Variants in TFR2 observed in about 807,000 individuals in gnomAD.
TFR2 encodes the protein transferrin receptor protein 2.
In TFR2, 64 loss-of-function variants were observed where a neutral mutation model predicts 91.9. The observed-to-expected ratio is 0.70, with a 90% CI of 0.57 to 0.86. The LOEUF (loss-of-function observed/expected upper bound fraction) is 0.86. TFR2 is among the 40% of genes least tolerant of loss of function. The pLI, the probability that TFR2 is intolerant of heterozygous loss-of-function variation, is 0.00. For missense variants in TFR2, 950 were observed against 1,080.5 expected, an observed-to-expected ratio of 0.88 and a Z score of 1.69; for synonymous variants, 454 against 459.6, an observed-to-expected ratio of 0.99 and a Z score of 0.15.
chr7:100,623,949 G>A (rs1054986734), intron 17 of TFR2, among the ~76,000 whole-genome samples: 1 of 150,918 alleles, frequency 6.6e-6, no homozygotes, highest in African/African-American at 2.4e-5. Flanking sequence ...CCAGCTACTC[G>A]GGAGGCAGAA....
rs41295903 is a variant in TFR2, at chr7:100,627,986, G to T, written c.1538-12C>A. 9.9e-5 allele frequency: 160 copies of T among 1,614,070 alleles called. 1 individual carries two copies. In the African/African-American group the frequency reaches 1.9e-3, roughly 19 times the overall value. On this transcript the variant is annotated splice_polypyrimidine_tract_variant and intron_variant, in intron 12 of 17. Transcript: ENST00000223051. ...AAACTTGTCATCCCCTGGAAAAAGG[G>T]GAGGGGAGGGATGCCAGGCTCAGGG...
chr7:100,633,465 C>G lies in TFR2; in HGVS notation c.565G>C (p.Asp189His). The G allele has an allele frequency of 6.2e-7, 1 of 1,612,978 alleles. No homozygotes were observed. Among genetic ancestry groups the G allele is most frequent in the South Asian group, 1.1e-5 (1 of 91,056 alleles). The change falls in exon 4 of 18, where the codon GAC becomes CAC. Residue 189 changes from aspartate to histidine, a missense_variant. Physicochemically the swap from Asp to His is moderately conservative, Grantham distance 81. Transcript: ENST00000223051. ...IRAALSRQKL[D>H]HVWTDTHYVG... ...TAGTGCGTGTCGGTCCACACGTGGT[C>G]CAGCTTCTGGCGGGAGAGCGCCGCG...
At position 100,628,065 on chromosome 7, in the gene TFR2, C is replaced by T. The variant is rs1246851167; in HGVS notation, c.1537+8G>A. ...AGGGGGCCAGGTGGTGGCACTGCCC[C>T]AGCTCACCCAGCACTGCGTTGTCCA... On this transcript the variant is annotated splice_region_variant and intron_variant, in intron 12 of 17. Coordinates refer to ENST00000223051, the MANE Select transcript of TFR2 (RefSeq NM_003227.4). The T allele has an allele frequency of 6.2e-7, 1 of 1,614,036 alleles. No homozygotes were observed. The highest frequency in any genetic ancestry group is 1.3e-5 in the African/African-American group (1 of 74,928).
chr7:100,625,924 C>G (rs954985258), intron 17 of TFR2, among the ~76,000 whole-genome samples: 1 of 151,978 alleles, frequency 6.6e-6, no homozygotes, highest in African/African-American at 2.4e-5. Flanking sequence ...GCAGAGGGCA[C>G]AAGCAGGAAA....
intron 17 of TFR2, among the ~76,000 whole-genome samples, chr7:100,622,115 C>T (rs904363960): frequency 6.6e-6 from 1 of 152,270 alleles, no homozygotes; most frequent in African/African-American, 2.4e-5. Flanking sequence ...CAACCCAAAC[C>T]CCAGAGGTCA....
In TFR2 at chr7:100,633,143, G is replaced by A. The variant is rs1803497460; in HGVS notation, c.727-20C>T. On this transcript the variant is annotated intron_variant, in intron 5 of 17. Coordinates refer to ENST00000223051, the MANE Select transcript of TFR2 (RefSeq NM_003227.4). ...CTCTCCCTGGGGACACGAGGACGGT[G>A]AGGCGCGCTCCCCGCGTCCCTCCTT... The A allele has an allele frequency of 1.2e-6, 2 of 1,613,236 alleles. No homozygotes were observed. The highest frequency in any genetic ancestry group is 1.3e-5 in the African/African-American group (1 of 75,052).
intron 10 of TFR2, 140 bp downstream of exon 10, chr7:100,629,113 C>T: frequency 3.5e-6 from 4 of 1,138,654 alleles, no homozygotes; most frequent in Non-Finnish European, 5.2e-6. Flanking sequence ...TGGCCCAGGG[C>T]CACTCAGGTA....
intron 3 of TFR2, among the ~76,000 whole-genome samples, chr7:100,638,254 C>A (rs967277443): frequency 6.6e-6 from 1 of 151,846 alleles, no homozygotes; most frequent in Non-Finnish European, 1.5e-5. Flanking sequence ...CTGCCCACCT[C>A]GGCCTCCCAA....
Position 100,626,903 on chromosome 7 carries a change from C to T in TFR2, c.1996G>A (p.Ala666Thr). The change falls in exon 17 of 18, where the codon GCC (alanine) becomes ACC (threonine). Residue 666 changes from alanine (A) to threonine (T), a missense_variant and splice_region_variant. By Grantham distance (58) the Ala-to-Thr change is moderately conservative. Transcript: ENST00000223051. ...NLNEFSGDLKARGLTLQWVYS... is the reference protein window; with the variant it reads ...NLNEFSGDLKTRGLTLQWVYS... ...ACCCACTGCAGGGTCAGCCCGCGGG[C>T]CTGGGGTGGGGAGGCGCGGGCTGGG... 3 of 1,534,576 alleles carry T rather than the reference C, an allele frequency of 2.0e-6. No homozygotes were observed. The highest frequency in any genetic ancestry group is 2.6e-6 in the Non-Finnish European group (3 of 1,143,288).
At position 100,629,285 on chromosome 7, in the gene TFR2, A is replaced by T. The variant is rs1183036550; in HGVS notation, c.1358T>A (p.Leu453Gln). The T allele has an allele frequency of 6.2e-7, 1 of 1,614,060 alleles. No homozygotes were observed. The highest frequency in any genetic ancestry group is 1.1e-5 in the South Asian group (1 of 91,088). The change falls in exon 10 of 18, where the codon CTG becomes CAG. Residue 453 changes from leucine (L) to glutamine (Q), a missense_variant. By Grantham distance (113) the Leu-to-Gln change is moderately radical. Coordinates refer to ENST00000223051, the MANE Select transcript of TFR2 (RefSeq NM_003227.4). Reference protein sequence around the residue: ...SAVGTAILLELVRTFSSMVSN... With the variant: ...SAVGTAILLEQVRTFSSMVSN... The stretch of plus-strand genomic sequence containing the variant: ...CACCATGGAGGAAAAGGTCCGCACC[A>T]GCTCCAGGAGTATAGCCGTCCCCAC...
In TFR2 at chr7:100,627,494, G is replaced by A; in HGVS notation, c.1768-3C>T. 1.9e-6 allele frequency: 3 copies of A among 1,612,422 alleles called. No individual in the cohort carries two copies. Among genetic ancestry groups the A allele is most frequent in the Non-Finnish European group, 2.5e-6 (3 of 1,179,208 alleles). On this transcript the variant is annotated splice_polypyrimidine_tract_variant and splice_region_variant and intron_variant, in intron 15 of 17. Transcript: ENST00000223051. ...AGGAATGGGTAGGCCTGGTCGTCCTGCCAGGACAGGGTGGACGCTGGGGCG... is the reference window on the plus strand; with the variant it reads ...AGGAATGGGTAGGCCTGGTCGTCCTACCAGGACAGGGTGGACGCTGGGGCG...
At chr7:100,637,820 A>C (rs1803603641) in intron 3 of TFR2, among the ~76,000 whole-genome samples, 1 of 110,698 alleles carries the variant, frequency 9.0e-6, no homozygotes, top group South Asian at 2.8e-4. Flanking sequence ...CTCAAAAAAA[A>C]ATTAATGTAA....
At chr7:100,635,240 CCTTTT>C (rs1164363437) in intron 3 of TFR2, among the ~76,000 whole-genome samples, 2 of 150,936 alleles carry the variant, frequency 1.3e-5, no homozygotes, top group Admixed American at 6.6e-5. Context: ...GCGCCCGGCC[CCTTTT>C]CTTTTCTTTT....
At chr7:100,636,204 C>A (rs1419483055) in intron 3 of TFR2, among the ~76,000 whole-genome samples, 6 of 109,770 alleles carry the variant, frequency 5.5e-5, no homozygotes, top group Admixed American at 4.1e-4. Context: ...GAGATGGAGT[C>A]TTGCTCTGTT....
intron 1 of TFR2, 123 bp downstream of exon 1, chr7:100,641,354 G>GGGGGGGGGGGGGGGC: frequency 5.3e-6 from 3 of 570,576 alleles, no homozygotes; most frequent in East Asian, 5.5e-5. Flanking sequence ...TGGGGGAGGG[G>GGGGGGGGGGGGGGGC]CAGGGGTGGG....
chr7:100,620,734 G>C lies in TFR2; in HGVS notation c.*123C>G. ...GGGCTCCGTGGAGAGATGTGTAGGGGTAATGAGAAATTGATCAGCAATGAG... is the reference window on the plus strand; with the variant it reads ...GGGCTCCGTGGAGAGATGTGTAGGGCTAATGAGAAATTGATCAGCAATGAG... On this transcript the variant is annotated 3_prime_UTR_variant, in exon 18 of 18. Coordinates refer to ENST00000223051, the MANE Select transcript of TFR2 (RefSeq NM_003227.4). 7.3e-7 allele frequency: 1 copy of C among 1,368,440 alleles called. No homozygotes were observed. Among genetic ancestry groups the C allele is most frequent in the Non-Finnish European group, 1.0e-6 (1 of 980,044 alleles). The allele number at this position is 1,368,440 out of a possible 1,614,324, so 84.8% of individuals were successfully genotyped here.
At chr7:100,634,235 T>A (rs1308164415) in intron 3 of TFR2, among the ~76,000 whole-genome samples, 3 of 137,064 alleles carry the variant, frequency 2.2e-5, no homozygotes, top group Non-Finnish European at 4.6e-5. Flanking sequence ...CCAAACACTT[T>A]CCTTCGAAAG....
Position 100,633,698 on chromosome 7 carries a change from CTTTTTTTTTTTTTTT to C in TFR2, c.474-157_474-143del, listed in dbSNP as rs397890558. ...AGGAAAAGAGCGCTCCCCGCGGACGCTTTTTTTTTTTTTTTTTTTTTTTTTTTTGAGACGGAGTGT... is the reference window on the plus strand; with the variant it reads ...AGGAAAAGAGCGCTCCCCGCGGACGCTTTTTTTTTTTTTGAGACGGAGTGT... On this transcript the variant is annotated intron_variant, in intron 3 of 17. Transcript: ENST00000223051. 2.3e-4 allele frequency: 49 copies of C among 215,930 alleles called. 1 individual carries two copies. Among genetic ancestry groups the C allele is most frequent in the East Asian group, 3.2e-4 (2 of 6,214 alleles). 13.4% of individuals were successfully genotyped at this position (215,930 alleles called of 1,614,324 possible). A position where few individuals can be genotyped will look rare whatever the true frequency, so the allele number is the denominator to read the frequency against.
Position 100,620,725 on chromosome 7 carries a change from T to A in TFR2, c.*132A>T. On this transcript the variant is annotated 3_prime_UTR_variant, in exon 18 of 18. Transcript: ENST00000223051. ...CTGGGGTCTGGGCTCCGTGGAGAGA[T>A]GTGTAGGGGTAATGAGAAATTGATC... 2 of 1,267,776 alleles carry A rather than the reference T, an allele frequency of 1.6e-6. No homozygotes were observed. The highest frequency in any genetic ancestry group is 2.2e-6 in the Non-Finnish European group (2 of 897,338). 78.5% of individuals were successfully genotyped at this position (1,267,776 alleles called of 1,614,324 possible). A position where few individuals can be genotyped will look rare whatever the true frequency, so the allele number is the denominator to read the frequency against.
Sources: gnomAD v4.1 joint callset for allele counts (sites outside exome capture counted in the v4.1 genomes callset) on GRCh38, gnomAD v4.1.1 for gene constraint, MANE v1.5 for transcripts, NCBI Gene and HGNC (gene_info 2026-07-23, HGNC 2026-07-21) for gene names.